The following MPZL3 variants were observed in gnomAD, a reference collection of about 807,000 sequenced individuals.
The protein encoded by MPZL3 is myelin protein zero-like protein 3.
MPZL3 carries 23 observed loss-of-function variants against 24.8 expected under a neutral mutation model. The ratio of observed to expected loss-of-function variants is 0.93; its 90% confidence interval spans 0.67 to 1.31. The LOEUF is 1.31. MPZL3 is among the 40% of genes most tolerant of loss of function. The pLI is 0.00. For missense variants in MPZL3, 277 were observed against 294.9 expected (o/e 0.94, Z 0.44); for synonymous variants, 99 against 106.5 (o/e 0.93, Z 0.44).
intron 1 of MPZL3, among the ~76,000 whole-genome samples, chr11:118,246,822 G>A (rs1472582593): frequency 6.6e-6 from 1 of 152,000 alleles, no homozygotes. Context: ...CTGAACTCAG[G>A]CAATCCTCCC....
Position 118,247,206 on chromosome 11 carries a change from T to A in MPZL3, c.73+5016A>T, listed in dbSNP as rs184057925. ...AGCCTGAATGATGTACTTTATACAG[T>A]TAGCTTTCCAAAGAGTAGAGTAGAG... On this transcript the variant is annotated intron_variant, in intron 1 of 5. Coordinates refer to ENST00000278949, the MANE Select transcript of MPZL3 (RefSeq NM_198275.3). Among the ~76,000 whole-genome samples the A allele has an allele frequency of 1.3e-4, 20 of 152,284 alleles. No individual in the cohort carries two copies. In the East Asian group the frequency reaches 3.5e-3, roughly 26 times the overall value.
At chr11:118,248,068 C>CTT (rs1949575203) in intron 1 of MPZL3, among the ~76,000 whole-genome samples, 1 of 104,050 alleles carries the variant, frequency 9.6e-6, no homozygotes, top group African/African-American at 3.8e-5. Context: ...CAACAGTTTC[C>CTT]TCTTTTTTTT....
intron 5 of MPZL3, among the ~76,000 whole-genome samples, chr11:118,232,610 AC>A (rs1452363360): frequency 6.6e-6 from 1 of 152,062 alleles, no homozygotes; most frequent in Non-Finnish European, 1.5e-5. Flanking sequence ...GTGGATAATA[AC>A]CGTATGAACA....
chr11:118,236,251 T>G (rs1366746634), intron 3 of MPZL3, among the ~76,000 whole-genome samples: 3 of 151,756 alleles, frequency 2.0e-5, no homozygotes, highest in Non-Finnish European at 4.4e-5. Context: ...AACCTACAAG[T>G]TATTACCTTT....
rs1949318757 is a variant in MPZL3 at position 118,229,366 on chromosome 11, T to G, written c.*528A>C. The G allele has an allele frequency of 6.5e-6, 1 of 152,976 alleles. No individual in the cohort carries two copies. The highest frequency in any genetic ancestry group is 2.4e-5 in the African/African-American group (1 of 41,414). 9.5% of individuals were successfully genotyped at this position (152,976 alleles called of 1,614,324 possible). On this transcript the variant is annotated 3_prime_UTR_variant, in exon 6 of 6. Coordinates refer to ENST00000278949, the MANE Select transcript of MPZL3 (RefSeq NM_198275.3). ...CTAAGTTATCCAAACACAACTGAGG[T>G]TGAGGTCATTAAACCGGTAAGTATA...
chr11:118,235,520 A>G lies in MPZL3; in HGVS notation c.521T>C (p.Val174Ala), dbSNP rs143795546. 3.7e-6 allele frequency: 6 copies of G among 1,613,884 alleles called. No homozygotes were observed. The African/African-American group carries it at 6.7e-5, about 18-fold the overall frequency. ...ILVFVPSAVV[V>A]ALLLVRMGRK... ...CCCCATTCTCACCAGCAGCAGAGCA[A>G]CCACCACGGCTGAGGGCACAAAGAC... The change falls in exon 4 of 6, where the codon GTT becomes GCT. Residue 174 changes from valine to alanine, a missense_variant. Val to Ala is a moderately conservative substitution (Grantham distance 64). Transcript: ENST00000278949.
Position 118,229,893 on chromosome 11 carries a change from A to C in MPZL3, c.*1T>G. Reference sequence around the variant, plus strand: ...CTCTTCTTGTGTCATACAGACTTTCATCAATATGTCTCTTCATAGTCTGAA... The same window carrying C: ...CTCTTCTTGTGTCATACAGACTTTCCTCAATATGTCTCTTCATAGTCTGAA... On this transcript the variant is annotated 3_prime_UTR_variant, in exon 6 of 6. Coordinates refer to ENST00000278949, the MANE Select transcript of MPZL3 (RefSeq NM_198275.3). The C allele has an allele frequency of 1.2e-6, 2 of 1,613,522 alleles. No individual in the cohort carries two copies. The highest frequency in any genetic ancestry group is 1.7e-6 in the Non-Finnish European group (2 of 1,179,710).
chr11:118,252,165 G>A (rs968108219), intron 1 of MPZL3, 57 bp downstream of exon 1: 206 of 1,583,572 alleles, frequency 1.3e-4, no homozygotes, highest in Non-Finnish European at 1.6e-4. Flanking sequence ...CCGGAAAAGC[G>A]ACCATCTTCC....
At chr11:118,231,251 G>T (rs1456417499) in intron 5 of MPZL3, among the ~76,000 whole-genome samples, 1 of 152,130 alleles carries the variant, frequency 6.6e-6, no homozygotes, top group Non-Finnish European at 1.5e-5. Context: ...CACAGCAAAT[G>T]ACACAGTTGA....
rs539399161 is a variant in MPZL3 at position 118,228,025 on chromosome 11, G to C, written c.*1869C>G. ...AGACAACCACAAAAGTTAACAAGCAGTCCCAAAGTACCGTGAGGTTTAACC... is the reference window on the plus strand; with the variant it reads ...AGACAACCACAAAAGTTAACAAGCACTCCCAAAGTACCGTGAGGTTTAACC... On this transcript the variant is annotated 3_prime_UTR_variant, in exon 6 of 6. Transcript: ENST00000278949. 2 of 152,172 alleles carry C rather than the reference G, an allele frequency of 1.3e-5. No homozygotes were observed. The highest frequency in any genetic ancestry group is 4.8e-5 in the African/African-American group (2 of 41,420). The allele number at this position is 152,172 out of a possible 1,614,324, so 9.4% of individuals were successfully genotyped here.
At chr11:118,251,847 G>A (rs529434545) in intron 1 of MPZL3, among the ~76,000 whole-genome samples, 1 of 152,156 alleles carries the variant, frequency 6.6e-6, no homozygotes, top group Admixed American at 6.5e-5. Flanking sequence ...CTGAATGCTA[G>A]AACTGTTTTC....
At chr11:118,235,207 C>T (rs968291205) in intron 4 of MPZL3, among the ~76,000 whole-genome samples, 1 of 152,176 alleles carries the variant, frequency 6.6e-6, no homozygotes, top group African/African-American at 2.4e-5. Context: ...AGACTAGGAC[C>T]ATATATCAAC....
rs1949415726 is a variant in MPZL3 at position 118,235,601 on chromosome 11, G to A, written c.452-12C>T. The A allele has an allele frequency of 6.2e-7, 1 of 1,612,496 alleles. No individual in the cohort carries two copies. The highest frequency in any genetic ancestry group is 2.2e-5 in the East Asian group (1 of 44,834). Reference sequence around the variant, plus strand: ...CATGGTGCCAAAACCTAGAGGCGGAGAAAGAGAAGGTAAAAGACAGGGACA... The same window carrying A: ...CATGGTGCCAAAACCTAGAGGCGGAAAAAGAGAAGGTAAAAGACAGGGACA... On this transcript the variant is annotated splice_polypyrimidine_tract_variant and intron_variant, in intron 3 of 5. Transcript: ENST00000278949.
intron 1 of MPZL3, among the ~76,000 whole-genome samples, chr11:118,251,946 G>C (rs1359082456): frequency 6.6e-6 from 1 of 152,190 alleles, no homozygotes; most frequent in Admixed American, 6.5e-5. Context: ...CCCAAAGCCA[G>C]AGCTCTTTGT....
chr11:118,250,737 C>T lies in MPZL3; in HGVS notation c.73+1485G>A, dbSNP rs188501806. On this transcript the variant is annotated intron_variant, in intron 1 of 5. Coordinates refer to ENST00000278949, the MANE Select transcript of MPZL3 (RefSeq NM_198275.3). The stretch of plus-strand genomic sequence containing the variant: ...CTGGGATTACAGGCGCCCGCCACCA[C>T]GCCTGGCTAATTTTTTTTGTATTTT... 1.9e-3 allele frequency among the ~76,000 whole-genome samples: 286 copies of T among 152,134 alleles called. 6 individuals are homozygous for T. The East Asian group carries it at 0.043, about 23-fold the overall frequency.
intron 5 of MPZL3, among the ~76,000 whole-genome samples, chr11:118,232,048 T>C (rs967672326): frequency 6.6e-6 from 1 of 152,186 alleles, no homozygotes; most frequent in Non-Finnish European, 1.5e-5. Context: ...AAATCATCTA[T>C]AAGGTTCTGT....
intron 1 of MPZL3, among the ~76,000 whole-genome samples, chr11:118,243,190 A>C (rs1235728596): frequency 6.6e-6 from 1 of 152,082 alleles, no homozygotes; most frequent in East Asian, 1.9e-4. Context: ...GGCCTGGCAA[A>C]CGTTTAACTG....
Position 118,228,047 on chromosome 11 carries a change from A to C in MPZL3, c.*1847T>G, listed in dbSNP as rs1949293664. The C allele has an allele frequency of 6.6e-6, 1 of 152,172 alleles. No homozygotes were observed. The highest frequency in any genetic ancestry group is 2.4e-5 in the African/African-American group (1 of 41,444). The allele number at this position is 152,172 out of a possible 1,614,324, so 9.4% of individuals were successfully genotyped here. On this transcript the variant is annotated 3_prime_UTR_variant, in exon 6 of 6. Transcript: ENST00000278949. ...GCAGTCCCAAAGTACCGTGAGGTTT[A>C]ACCACTGGAAATGTAAACTGCCGGT...
At chr11:118,244,078 A>AT (rs1949529571) in intron 1 of MPZL3, among the ~76,000 whole-genome samples, 2 of 152,288 alleles carry the variant, frequency 1.3e-5, no homozygotes, top group South Asian at 2.1e-4. Flanking sequence ...AATCCGAGGG[A>AT]TAAAAACCCC....
Sources: allele counts gnomAD v4.1 joint callset (sites outside exome capture counted in the v4.1 genomes callset), GRCh38; gene constraint gnomAD v4.1.1; transcripts MANE v1.5; gene names NCBI Gene and HGNC (gene_info 2026-07-23, HGNC 2026-07-21).